Variants in ANKS1B observed in about 807,000 individuals in gnomAD.
ANKS1B encodes ankyrin repeat and sterile alpha motif domain-containing protein 1B.
In ANKS1B, 36 loss-of-function variants were observed where a neutral mutation model predicts 148.3. That is an observed-to-expected ratio of 0.24 (90% CI 0.19 to 0.32). The LOEUF (loss-of-function observed/expected upper bound fraction) is 0.32. Among genes scored for constraint, ANKS1B ranks in the 10% least tolerant of loss-of-function variants. ANKS1B has a pLI of 1.00. For synonymous variants in ANKS1B, 542 were observed against 560.8 expected, an observed-to-expected ratio of 0.97 and a Z score of 0.47; for missense variants, 1,157 against 1,542.6, an observed-to-expected ratio of 0.75 and a Z score of 4.19.
In ANKS1B at chr12:98,760,759, C is replaced by T. The variant is rs529201235; in HGVS notation, c.3580-9237G>A. Reference sequence around the variant, plus strand: ...AACCCTAATACTTCTACTCCAAGTGCGGAATTGACCCTTTAATGGTCCAAC... The same window carrying T: ...AACCCTAATACTTCTACTCCAAGTGTGGAATTGACCCTTTAATGGTCCAAC... On this transcript the variant is annotated intron_variant, in intron 25 of 26. Coordinates refer to ENST00000683438, the MANE Select transcript of ANKS1B (RefSeq NM_001352186.2). Among the ~76,000 whole-genome samples, 7 of 152,300 alleles carry T rather than the reference C, an allele frequency of 4.6e-5. No homozygotes were observed. In the South Asian group the frequency reaches 1.0e-3, roughly 23 times the overall value.
Position 99,936,429 on chromosome 12 carries a change from T to C in ANKS1B, c.134+47675A>G, listed in dbSNP as rs1436202006. ...TGGGAGGTCAAGATGGGAGGATCAC[T>C]TGAGGCCAGGAGTTCAGGACCAGCC... On this transcript the variant is annotated intron_variant, in intron 1 of 26. Coordinates refer to ENST00000683438, the MANE Select transcript of ANKS1B (RefSeq NM_001352186.2). 3.3e-5 allele frequency among the ~76,000 whole-genome samples: 5 copies of C among 152,276 alleles called. No homozygotes were observed. In the South Asian group the frequency reaches 1.0e-3, roughly 32 times the overall value.
chr12:99,885,649 C>T (rs1279101161), intron 1 of ANKS1B, among the ~76,000 whole-genome samples: 2 of 151,870 alleles, frequency 1.3e-5, no homozygotes, highest in Non-Finnish European at 2.9e-5. Flanking sequence ...TTTTTGGTTA[C>T]CTGGCTGAAT....
At chr12:98,784,432 G>T (rs1202586183) in intron 22 of ANKS1B, among the ~76,000 whole-genome samples, 1 of 152,206 alleles carries the variant, frequency 6.6e-6, no homozygotes, top group Non-Finnish European at 1.5e-5. Context: ...AATGCCCCAT[G>T]CCATGAGGAC....
intron 9 of ANKS1B, among the ~76,000 whole-genome samples, chr12:99,530,523 C>G (rs145701428): frequency 6.6e-6 from 1 of 152,290 alleles, no homozygotes; most frequent in African/African-American, 2.4e-5. Flanking sequence ...AAGAATCTCA[C>G]TTTCCTTGCC....
intron 1 of ANKS1B, among the ~76,000 whole-genome samples, chr12:99,921,077 A>T (rs1490323500): frequency 6.6e-6 from 1 of 152,194 alleles, no homozygotes; most frequent in African/African-American, 2.4e-5. Flanking sequence ...CAGAGGCTTC[A>T]GTGGAAAAAC....
chr12:98,874,995 T>C (rs2099684332), intron 17 of ANKS1B, among the ~76,000 whole-genome samples: 1 of 152,192 alleles, frequency 6.6e-6, no homozygotes. Flanking sequence ...AGTTTAGCAA[T>C]AAAATGACTT....
At chr12:99,529,183 T>C (rs1359081351) in intron 9 of ANKS1B, among the ~76,000 whole-genome samples, 1 of 152,122 alleles carries the variant, frequency 6.6e-6, no homozygotes, top group East Asian at 1.9e-4. Context: ...ACCACCTTTG[T>C]ACAAATCCTC....
At chr12:99,162,307 A>T (rs1364052010) in intron 14 of ANKS1B, among the ~76,000 whole-genome samples, 3 of 152,160 alleles carry the variant, frequency 2.0e-5, no homozygotes, top group African/African-American at 7.2e-5. Context: ...CTTTTAAATC[A>T]GTTACTTAAA....
intron 22 of ANKS1B, among the ~76,000 whole-genome samples, chr12:98,790,526 T>C (rs906989766): frequency 1.3e-5 from 2 of 152,180 alleles, no homozygotes; most frequent in East Asian, 3.8e-4. Context: ...TCTTATTGTG[T>C]TGAACAAGCT....
At chr12:99,235,788 T>A (rs565420358) in intron 14 of ANKS1B, among the ~76,000 whole-genome samples, 1 of 152,244 alleles carries the variant, frequency 6.6e-6, no homozygotes, top group Non-Finnish European at 1.5e-5. Flanking sequence ...AAATTATCAC[T>A]TAATTAACAT....
intron 1 of ANKS1B, among the ~76,000 whole-genome samples, chr12:99,968,168 C>T (rs1188232188): frequency 1.3e-5 from 2 of 152,126 alleles, no homozygotes; most frequent in East Asian, 1.9e-4. Flanking sequence ...TCCTACACAG[C>T]CTAACACTAG....
At chr12:99,393,493 C>T (rs1165561234) in intron 12 of ANKS1B, among the ~76,000 whole-genome samples, 1 of 152,136 alleles carries the variant, frequency 6.6e-6, no homozygotes, top group Non-Finnish European at 1.5e-5. Flanking sequence ...ATGTGTTAAA[C>T]AAATGGAAAG....
intron 1 of ANKS1B, among the ~76,000 whole-genome samples, chr12:99,893,692 A>AG (rs1298790916): frequency 6.6e-6 from 1 of 152,216 alleles, no homozygotes; most frequent in Non-Finnish European, 1.5e-5. Flanking sequence ...ATTTATGACC[A>AG]TGTGTATCCA....
rs1324757762 is a variant in ANKS1B, at chr12:98,751,120, C to G, written c.3747+235G>C. On this transcript the variant is annotated intron_variant, in intron 26 of 26. Transcript: ENST00000683438. The surrounding 1 kb of genome is among the most constrained non-coding windows in gnomAD (Gnocchi z 4.3). ...GCTGAGACCCTTCATAGGGTTGCTG[C>G]AGGTGACTGAGAAAGTGGATTTCTC... Among the ~76,000 whole-genome samples the G allele has an allele frequency of 1.3e-5, 2 of 152,148 alleles. No homozygotes were observed. The highest frequency in any genetic ancestry group is 2.4e-5 in the African/African-American group (1 of 41,432).
chr12:99,484,811 T>C (rs1489371596), intron 10 of ANKS1B, among the ~76,000 whole-genome samples: 2 of 150,456 alleles, frequency 1.3e-5, no homozygotes, highest in African/African-American at 2.4e-5. Context: ...GTCAGTTTTG[T>C]TTGATATAAG....
chr12:99,647,996 G>C lies in ANKS1B; in HGVS notation c.1272+7071C>G, dbSNP rs1021729. On this transcript the variant is annotated intron_variant, in intron 9 of 26. Transcript: ENST00000683438. ...GGACTGACTGTCTCTGGCATTGAGC[G>C]GTTGGTAATCAATACCCCACCCTCC... 1.0e-5 allele frequency: 8 copies of C among 766,580 alleles called. No individual in the cohort carries two copies. In the East Asian group the frequency reaches 2.2e-4, roughly 21 times the overall value. The allele number at this position is 766,580 out of a possible 1,614,324, so 47.5% of individuals were successfully genotyped here. A position where few individuals can be genotyped will look rare whatever the true frequency, so the allele number is the denominator to read the frequency against.
chr12:98,811,946 T>C (rs1161621308), intron 19 of ANKS1B, among the ~76,000 whole-genome samples: 1 of 152,134 alleles, frequency 6.6e-6, no homozygotes, highest in Non-Finnish European at 1.5e-5. Context: ...GCCATACTTA[T>C]TTCATTAAAA....
chr12:99,199,227 A>G (rs571091711), intron 14 of ANKS1B, among the ~76,000 whole-genome samples: 1 of 152,318 alleles, frequency 6.6e-6, no homozygotes, highest in East Asian at 1.9e-4. Context: ...TGAGAAATAA[A>G]TAAAAGTCTA....
At chr12:98,870,558 A>G (rs2152374368) in intron 17 of ANKS1B, among the ~76,000 whole-genome samples, 1 of 152,376 alleles carries the variant, frequency 6.6e-6, no homozygotes, top group East Asian at 1.9e-4. Context: ...CAGGGAGTCC[A>G]GCTGGGAGAT....
Sources: allele counts gnomAD v4.1 joint callset (sites outside exome capture counted in the v4.1 genomes callset), GRCh38; gene constraint gnomAD v4.1.1; non-coding constraint Gnocchi (gnomAD v3.1); transcripts MANE v1.5; gene names NCBI Gene and HGNC (gene_info 2026-07-23, HGNC 2026-07-21).